JCAD: variants seen among roughly 807,000 people sequenced by gnomAD.
The protein encoded by JCAD is junctional cadherin 5-associated protein.
Under a neutral mutation model 98.0 loss-of-function variants are expected in JCAD, and 40 were observed. The ratio of observed to expected loss-of-function variants is 0.41; its 90% CI spans 0.32 to 0.53. The LOEUF (loss-of-function observed/expected upper bound fraction) is 0.53. JCAD is among the 20% of genes least tolerant of loss of function. The probability of loss-of-function intolerance (pLI) is 0.31; values close to 1 mark genes in which losing one functional copy is unlikely to be tolerated. For synonymous variants in JCAD, 691 were observed against 682.3 expected (o/e 1.01, Z -0.20); for missense variants, 1,705 against 1,738.1 (o/e 0.98, Z 0.34).
At chr10:30,069,549 G>A (rs914654373) in intron 2 of JCAD, among the ~76,000 whole-genome samples, 6 of 150,828 alleles carry the variant, frequency 4.0e-5, no homozygotes, top group African/African-American at 1.5e-4. Flanking sequence ...TCACACCACT[G>A]CACTCCAGCC....
chr10:30,036,240 T>C lies in JCAD; in HGVS notation c.282-6374A>G, dbSNP rs373732461. ...GGACGGATCACCTGAAGTCAGTAGT[T>C]CAAGACCAGCCTGACCAACACGGTG... On this transcript the variant is annotated intron_variant, in intron 2 of 3. Transcript: ENST00000375377. 1.4e-4 allele frequency among the ~76,000 whole-genome samples: 21 copies of C among 152,214 alleles called. No homozygotes were observed. The East Asian group carries it at 3.3e-3, about 24-fold the overall frequency.
At chr10:30,049,469 A>G (rs1033538672) in intron 1 of JCAD, among the ~76,000 whole-genome samples, 3 of 152,220 alleles carry the variant, frequency 2.0e-5, no homozygotes, top group African/African-American at 4.8e-5. Flanking sequence ...AGATTACAGT[A>G]GGGAAAGTCT....
At chr10:30,074,728 T>C (rs893480664) in intron 1 of JCAD, among the ~76,000 whole-genome samples, 1 of 152,156 alleles carries the variant, frequency 6.6e-6, no homozygotes, top group Non-Finnish European at 1.5e-5. Context: ...CACCATGCCA[T>C]ATGCAACTGC....
chr10:30,071,136 C>T (rs1375421656), intron 1 of JCAD, among the ~76,000 whole-genome samples: 1 of 152,118 alleles, frequency 6.6e-6, no homozygotes, highest in Non-Finnish European at 1.5e-5. Flanking sequence ...AACTCCTGGC[C>T]TCAAGTGATC....
chr10:30,050,976 G>A (rs1313832180), intron 1 of JCAD, among the ~76,000 whole-genome samples: 3 of 152,146 alleles, frequency 2.0e-5, no homozygotes, highest in African/African-American at 7.2e-5. Context: ...GAAAACTGAG[G>A]CTGACAGTCC....
chr10:30,055,430 AC>A (rs1367845215), intron 1 of JCAD, among the ~76,000 whole-genome samples: 8 of 152,234 alleles, frequency 5.3e-5, no homozygotes, highest in African/African-American at 1.9e-4. Flanking sequence ...TTGCTAACTG[AC>A]ACGTAGGTTT....
upstream of JCAD, among the ~76,000 whole-genome samples, chr10:30,059,942 AAC>A (rs1289091904): frequency 6.6e-6 from 1 of 152,140 alleles, no homozygotes; most frequent in Non-Finnish European, 1.5e-5. This position sits in a 1 kb window ranked among gnomAD's most constrained non-coding sequence, Gnocchi z 5.0. Flanking sequence ...GGCGCACACA[AAC>A]ACATATACAG....
intron 1 of JCAD, among the ~76,000 whole-genome samples, chr10:30,084,511 T>C (rs79379399): frequency 0.01 from 1,570 of 152,250 alleles, 25 homozygotes; most frequent in Middle Eastern, 0.054. Flanking sequence ...GTCAATCAGT[T>C]GAAGGACTCA....
chr10:30,037,349 G>C (rs192625011), intron 2 of JCAD, among the ~76,000 whole-genome samples: 1 of 152,320 alleles, frequency 6.6e-6, no homozygotes, highest in East Asian at 1.9e-4. Flanking sequence ...AGAAGATGAA[G>C]ACTGAAGTAT....
intron 1 of JCAD, among the ~76,000 whole-genome samples, chr10:30,048,114 G>C (rs1217850240): frequency 6.6e-6 from 1 of 152,166 alleles, no homozygotes; most frequent in African/African-American, 2.4e-5. Flanking sequence ...CTCACCCTTC[G>C]ATGGCTGCCT....
intron 2 of JCAD, among the ~76,000 whole-genome samples, chr10:30,038,118 A>G (rs1242305159): frequency 6.6e-6 from 1 of 152,092 alleles, no homozygotes; most frequent in Non-Finnish European, 1.5e-5. Flanking sequence ...TTGATTTTGC[A>G]AGGTCTAGTA....
intron 1 of JCAD, among the ~76,000 whole-genome samples, chr10:30,053,549 T>C (rs1837509996): frequency 7.4e-6 from 1 of 135,190 alleles, no homozygotes; most frequent in African/African-American, 2.7e-5. Flanking sequence ...ACAGAGCGGA[T>C]ACTCTGTCTC....
chr10:30,047,908 C>A (rs1371504784), intron 1 of JCAD, 37 bp from the exon 2 acceptor site: 2 of 1,367,372 alleles, frequency 1.5e-6, no homozygotes, highest in African/African-American at 1.5e-5. Flanking sequence ...GTGACTAGGT[C>A]TCCCTAGAGG....
At chr10:30,093,186 G>A (rs1838314081) in intron 1 of JCAD, among the ~76,000 whole-genome samples, 1 of 152,102 alleles carries the variant, frequency 6.6e-6, no homozygotes. Context: ...AAAGAGCTGT[G>A]TTCTTGAGGT....
chr10:30,110,597 T>C (rs1838677367), intron 1 of JCAD, among the ~76,000 whole-genome samples: 1 of 152,072 alleles, frequency 6.6e-6, no homozygotes, highest in African/African-American at 2.4e-5. Context: ...CGCACTGATG[T>C]ATGGACCAGC....
chr10:30,069,828 A>G (rs1241023630), intron 1 of JCAD: 4 of 152,186 alleles, frequency 2.6e-5, no homozygotes, highest in Admixed American at 6.5e-5. Flanking sequence ...CTGTCTGAAG[A>G]AAAACAAAAT....
intron 2 of JCAD, among the ~76,000 whole-genome samples, chr10:30,065,320 AT>A (rs1837764973): frequency 6.6e-6 from 1 of 152,160 alleles, no homozygotes; most frequent in Non-Finnish European, 1.5e-5. Context: ...CCCTGGTTTG[AT>A]TATATGAATT....
chr10:30,030,003 A>G, intron 2 of JCAD, 137 bp from the exon 3 acceptor site: 3 of 992,704 alleles, frequency 3.0e-6, no homozygotes, highest in Non-Finnish European at 4.3e-6. Flanking sequence ...GCCAGCTTGA[A>G]AGAAAACATA....
chr10:30,114,636 A>G (rs1234142888), intron 1 of JCAD, among the ~76,000 whole-genome samples: 2 of 151,430 alleles, frequency 1.3e-5, no homozygotes, highest in East Asian at 1.9e-4. Flanking sequence ...CAGAAAAATG[A>G]CTCATTCTGT....
Sources: allele counts gnomAD v4.1 joint callset (sites outside exome capture counted in the v4.1 genomes callset), GRCh38; gene constraint gnomAD v4.1.1; non-coding constraint Gnocchi (gnomAD v3.1); transcripts MANE v1.5; gene names NCBI Gene and HGNC (gene_info 2026-07-23, HGNC 2026-07-21).